The following UGT1A8 variants were observed in gnomAD, a reference collection of about 807,000 sequenced individuals.
UGT1A8 encodes UDP glucuronosyltransferase family 1 member A8, also known as UDP-glucuronosyltransferase 1A8.
A neutral mutation model predicts 45.3 loss-of-function variants in UGT1A8; 39 were observed. The observed-to-expected ratio is 0.86, with a 90% CI of 0.67 to 1.12. The LOEUF is 1.12. UGT1A8 is among the 50% of genes most tolerant of loss of function. The probability of loss-of-function intolerance (pLI) is 0.00; values close to 1 mark genes in which losing one functional copy is unlikely to be tolerated. For missense variants in UGT1A8, 719 were observed against 664.9 expected (o/e 1.08, Z -0.90); for synonymous variants, 275 against 249.2 (o/e 1.10, Z -0.97).
chr2:233,658,831 A>T (rs1429574774), intron 1 of UGT1A8, among the ~76,000 whole-genome samples: 1 of 152,216 alleles, frequency 6.6e-6, no homozygotes, highest in Non-Finnish European at 1.5e-5. Flanking sequence ...CCATTGATCC[A>T]GTTGTGAAAT....
At chr2:233,745,811 G>C (rs148112408) in intron 1 of UGT1A8, among the ~76,000 whole-genome samples, 1 of 151,496 alleles carries the variant, frequency 6.6e-6, no homozygotes, top group East Asian at 1.9e-4. Flanking sequence ...CCAGAGTTTT[G>C]AGAGCAAGGC....
chr2:233,729,884 C>T, intron 1 of UGT1A8: 2 of 1,613,892 alleles, frequency 1.2e-6, no homozygotes, highest in Non-Finnish European at 1.7e-6. Context: ...AGTCATGCAT[C>T]TGTGTGGCTG....
chr2:233,718,918 T>G (rs778450561), intron 1 of UGT1A8: 2 of 1,614,094 alleles, frequency 1.2e-6, no homozygotes, highest in Non-Finnish European at 1.7e-6. Context: ...AAGGTGTTGG[T>G]GGTGCCCACT....
chr2:233,637,257 C>T, intron 1 of UGT1A8: 1 of 1,613,992 alleles, frequency 6.2e-7, no homozygotes, highest in Non-Finnish European at 8.5e-7. Context: ...ATGATCTCTA[C>T]AGTCACACAT....
intron 1 of UGT1A8, among the ~76,000 whole-genome samples, chr2:233,709,449 T>C (rs73996175): frequency 4.6e-4 from 70 of 152,334 alleles, no homozygotes; most frequent in African/African-American, 1.5e-3. Context: ...CTGCCGACTT[T>C]TAAAGCAATC....
At chr2:233,749,892 C>T (rs1443411185) in intron 1 of UGT1A8, among the ~76,000 whole-genome samples, 2 of 151,938 alleles carry the variant, frequency 1.3e-5, no homozygotes, top group African/African-American at 2.4e-5. Flanking sequence ...TGAGGCTCCC[C>T]CCTCCAGCCA....
At chr2:233,688,870 G>T (rs1454445283) in intron 1 of UGT1A8, among the ~76,000 whole-genome samples, 1 of 152,140 alleles carries the variant, frequency 6.6e-6, no homozygotes, top group East Asian at 1.9e-4. Flanking sequence ...GGCCTTGCAG[G>T]ATAAGGAGTG....
chr2:233,648,851 C>T (rs1575400278), intron 1 of UGT1A8: 10 of 1,190,110 alleles, frequency 8.4e-6, no homozygotes, highest in Non-Finnish European at 1.2e-5. Context: ...TTCAAAAATG[C>T]CTTAAACATA....
chr2:233,660,734 T>G (rs958910392), intron 1 of UGT1A8, among the ~76,000 whole-genome samples: 1 of 152,150 alleles, frequency 6.6e-6, no homozygotes, highest in Non-Finnish European at 1.5e-5. Context: ...ATAAATGTCT[T>G]TTGTGGCATT....
intron 1 of UGT1A8, among the ~76,000 whole-genome samples, chr2:233,687,728 C>A (rs985451430): frequency 6.6e-5 from 10 of 151,756 alleles, no homozygotes; most frequent in Non-Finnish European, 8.8e-5. Context: ...CATAGGGAGA[C>A]ACTGTCTCTA....
intron 1 of UGT1A8, among the ~76,000 whole-genome samples, chr2:233,662,146 C>G (rs1239121583): frequency 1.3e-5 from 2 of 152,154 alleles, no homozygotes; most frequent in Non-Finnish European, 2.9e-5. Flanking sequence ...CTCTTGACTA[C>G]AAATGGTGTC....
chr2:233,755,067 T>G, intron 1 of UGT1A8: 1 of 1,335,754 alleles, frequency 7.5e-7, no homozygotes, highest in Non-Finnish European at 1.0e-6. Context: ...CGCCTCGCCA[T>G]AGCGGTCATA....
intron 1 of UGT1A8, chr2:233,682,739 A>T (rs762762821): frequency 6.2e-7 from 1 of 1,613,808 alleles, no homozygotes; most frequent in African/African-American, 1.3e-5. Context: ...CGTGATGCCC[A>T]ATATGATCTT....
chr2:233,647,260 C>T (rs910513737), intron 1 of UGT1A8, among the ~76,000 whole-genome samples: 5 of 152,190 alleles, frequency 3.3e-5, no homozygotes, highest in African/African-American at 1.2e-4. Context: ...GGTGGGGACA[C>T]AGCCAAACCA....
At chr2:233,731,438 C>G (rs1329766124) in intron 1 of UGT1A8, among the ~76,000 whole-genome samples, 1 of 152,078 alleles carries the variant, frequency 6.6e-6, no homozygotes, top group African/African-American at 2.4e-5. Context: ...CTCCCCCAGT[C>G]CCCCACCCCA....
At chr2:233,751,513 GC>G (rs1314073844) in intron 1 of UGT1A8, among the ~76,000 whole-genome samples, 4 of 152,198 alleles carry the variant, frequency 2.6e-5, no homozygotes, top group African/African-American at 9.6e-5. Context: ...GGGCCAGAGG[GC>G]AGAATGATAT....
At chr2:233,640,007 A>G (rs1411927623) in intron 1 of UGT1A8, among the ~76,000 whole-genome samples, 5 of 152,324 alleles carry the variant, frequency 3.3e-5, no homozygotes, top group Admixed American at 2.6e-4. Context: ...GGCTTCATCT[A>G]TACCATCCAT....
At chr2:233,729,100 A>G (rs2077792052) in intron 1 of UGT1A8, 1 of 1,612,718 alleles carries the variant, frequency 6.2e-7, no homozygotes, top group Non-Finnish European at 8.5e-7. Context: ...TGGGGTGGAC[A>G]GTCAGCTGTC....
intron 1 of UGT1A8, chr2:233,681,811 A>AT (rs1015363020): frequency 1.8e-4 from 261 of 1,487,870 alleles, no homozygotes; most frequent in Middle Eastern, 3.8e-4. Context: ...GTGAATGTGA[A>AT]TTTTTTTTTA....
Sources: gnomAD v4.1 joint callset for allele counts (sites outside exome capture counted in the v4.1 genomes callset) on GRCh38, gnomAD v4.1.1 for gene constraint, MANE v1.5 for transcripts, NCBI Gene and HGNC (gene_info 2026-07-23, HGNC 2026-07-21) for gene names.